The following ZC3H13 variants were observed in gnomAD, a reference collection of about 807,000 sequenced individuals.
ZC3H13 encodes zinc finger CCCH domain-containing protein 13.
In ZC3H13, 64 loss-of-function variants were observed where a neutral mutation model predicts 204.1. The ratio of observed to expected loss-of-function variants is 0.31; its 90% CI spans 0.26 to 0.39. ZC3H13 has a LOEUF of 0.39. ZC3H13 is among the 10% of genes least tolerant of loss of function. ZC3H13 has a pLI of 1.00. For synonymous variants in ZC3H13, 667 were observed against 693.7 expected, an observed-to-expected ratio of 0.96 and a Z score of 0.60; for missense variants, 1,833 against 2,082.7, an observed-to-expected ratio of 0.88 and a Z score of 2.33.
intron 3 of ZC3H13, among the ~76,000 whole-genome samples, chr13:46,044,559 C>T (rs1244844746): frequency 1.3e-5 from 2 of 152,036 alleles, no homozygotes; most frequent in Admixed American, 6.6e-5. Context: ...GAATTCAGAA[C>T]ATCTTAAACA....
Position 45,967,591 on chromosome 13 carries a change from A to G in ZC3H13, c.4234T>C (p.Leu1412=). ...LESTSRDSLA[L]DKERMDKDLG... is the part of the protein sequence containing the mutation. ...TCTTTATCCATTCTCTCTTTATCCA[A>G]GGCTAGAGAGTCTCGGGAAGTGCTT... Residue 1412 remains leucine (L), a synonymous_variant, in exon 15 of 19, where the codon TTG becomes CTG. Transcript: ENST00000679008. 6.2e-7 allele frequency: 1 copy of G among 1,613,608 alleles called. No individual in the cohort carries two copies. The highest frequency in any genetic ancestry group is 8.5e-7 in the Non-Finnish European group (1 of 1,179,760).
chr13:46,048,386 G>A (rs1331571797), intron 1 of ZC3H13, among the ~76,000 whole-genome samples: 1 of 151,802 alleles, frequency 6.6e-6, no homozygotes, highest in Non-Finnish European at 1.5e-5. Context: ...GACCATGCTG[G>A]CTAACATGGT....
chr13:46,024,506 C>T (rs1257161377), intron 4 of ZC3H13, among the ~76,000 whole-genome samples: 1 of 152,112 alleles, frequency 6.6e-6, no homozygotes, highest in Non-Finnish European at 1.5e-5. Context: ...CTTTTAGCTT[C>T]CATTGTTTGT....
At chr13:45,963,089 G>A in intron 17 of ZC3H13, 1 of 981,228 alleles carries the variant, frequency 1.0e-6, no homozygotes, top group African/African-American at 1.7e-5. Flanking sequence ...TGTTTTGCCT[G>A]TAATAACTCA....
chr13:46,002,569 A>G (rs2040827414), intron 8 of ZC3H13, among the ~76,000 whole-genome samples: 1 of 152,200 alleles, frequency 6.6e-6, no homozygotes, highest in South Asian at 2.1e-4. Context: ...ATATACATAC[A>G]ATCAAATATT....
chr13:45,968,938 C>T lies in ZC3H13; in HGVS notation c.3606G>A (p.Thr1202=), dbSNP rs757240451. ...TGGATGGGGAGCGAAGACGACCAGA[C>T]GTATGACTACGGTTACTCCGATTGC... ...LGSNRSNRSH[T]SGRLRSPSND... is the part of the protein sequence containing the mutation. The change falls in exon 14 of 19, where the codon ACG becomes ACA. Residue 1202 remains threonine, a synonymous_variant. Coordinates refer to ENST00000679008, the MANE Select transcript of ZC3H13 (RefSeq NM_001330564.2). 149 of 1,614,076 alleles carry T rather than the reference C, an allele frequency of 9.2e-5. No homozygotes were observed. Among genetic ancestry groups the T allele is most frequent in the Non-Finnish European group, 1.2e-4 (139 of 1,180,038 alleles).
At chr13:46,046,792 T>A (rs1593835674) in intron 1 of ZC3H13, among the ~76,000 whole-genome samples, 2 of 152,064 alleles carry the variant, frequency 1.3e-5, no homozygotes, top group East Asian at 3.9e-4. Context: ...TTTGCAAGTA[T>A]CAGATAATGA....
intron 17 of ZC3H13, chr13:45,962,792 G>A: frequency 1.0e-6 from 1 of 985,312 alleles, no homozygotes; most frequent in Non-Finnish European, 1.2e-6. Flanking sequence ...GTTAATTAAT[G>A]TTGTTCCTTT....
rs1951239530 is a variant in ZC3H13 at position 45,955,676 on chromosome 13, T to C, written c.*1451A>G. ...ATTCATTCTCTGAGGTCATACATTT[T>C]TTTTTTCTTTATTCAAAACACTTAG... On this transcript the variant is annotated 3_prime_UTR_variant, in exon 19 of 19. Transcript: ENST00000679008. 6.6e-6 allele frequency: 1 copy of C among 152,122 alleles called. No individual in the cohort carries two copies. Among genetic ancestry groups the C allele is most frequent in the African/African-American group, 2.4e-5 (1 of 41,440 alleles). The allele number at this position is 152,122 out of a possible 1,614,324, so 9.4% of individuals were successfully genotyped here. A position where few individuals can be genotyped will look rare whatever the true frequency, so the allele number is the denominator to read the frequency against.
At chr13:45,958,804 G>C (rs533409222) in intron 18 of ZC3H13, among the ~76,000 whole-genome samples, 4 of 151,896 alleles carry the variant, frequency 2.6e-5, no homozygotes, top group African/African-American at 9.7e-5. Context: ...ACAGATGCCC[G>C]CCACCATGCC....
intron 10 of ZC3H13, among the ~76,000 whole-genome samples, chr13:45,980,476 G>T (rs1032347174): frequency 2.0e-5 from 3 of 152,134 alleles, no homozygotes; most frequent in African/African-American, 7.2e-5. Flanking sequence ...GGAAACAAAT[G>T]TTCACAGTGG....
intron 11 of ZC3H13, chr13:45,976,364 T>C (rs1183896986): frequency 1.9e-5 from 11 of 584,656 alleles, no homozygotes; most frequent in South Asian, 7.6e-5. Context: ...GAAAATATAG[T>C]AGAACAAAAC....
At chr13:45,982,356 G>GA (rs1194665509) in intron 10 of ZC3H13, among the ~76,000 whole-genome samples, 5 of 152,022 alleles carry the variant, frequency 3.3e-5, no homozygotes, top group African/African-American at 1.2e-4. Flanking sequence ...ATGCAGCTAA[G>GA]AAAAAATTGG....
At chr13:46,048,262 A>C (rs551811319) in intron 1 of ZC3H13, among the ~76,000 whole-genome samples, 73 of 152,088 alleles carry the variant, frequency 4.8e-4, no homozygotes, top group Non-Finnish European at 9.4e-4. Flanking sequence ...CTTCTCTCCA[A>C]TCCTAGACTC....
chr13:45,958,144 CG>C (rs999327053), intron 18 of ZC3H13, among the ~76,000 whole-genome samples: 50 of 152,264 alleles, frequency 3.3e-4, no homozygotes, highest in African/African-American at 1.2e-3. Context: ...TCCTGTTCCT[CG>C]TATTTGTTTC....
At chr13:46,051,872 C>G (rs1035633930) in intron 1 of ZC3H13, 1 of 151,860 alleles carries the variant, frequency 6.6e-6, no homozygotes, top group African/African-American at 2.4e-5. Context: ...TGCCGCCAAA[C>G]AGACTCTCTT....
At chr13:45,978,606 A>G (rs1953268624) in intron 11 of ZC3H13, among the ~76,000 whole-genome samples, 1 of 152,132 alleles carries the variant, frequency 6.6e-6, no homozygotes, top group Admixed American at 6.6e-5. Flanking sequence ...AGCAACTATC[A>G]AAGTTCTTGG....
intron 5 of ZC3H13, among the ~76,000 whole-genome samples, chr13:46,015,692 C>G (rs1287561620): frequency 6.6e-6 from 1 of 152,062 alleles, no homozygotes; most frequent in Non-Finnish European, 1.5e-5. Flanking sequence ...GGAGTGGGGC[C>G]TGGAAATACA....
intron 17 of ZC3H13, chr13:45,963,463 C>T (rs1778597067): frequency 2.0e-6 from 2 of 1,007,442 alleles, no homozygotes; most frequent in South Asian, 8.3e-5. Context: ...GCTCTGTCAC[C>T]TAGGTTGGAG....
Sources: allele counts gnomAD v4.1 joint callset (sites outside exome capture counted in the v4.1 genomes callset), GRCh38; gene constraint gnomAD v4.1.1; transcripts MANE v1.5; gene names NCBI Gene and HGNC (gene_info 2026-07-23, HGNC 2026-07-21).